SF3A3: variants seen among roughly 807,000 people sequenced by gnomAD.
SF3A3 encodes SAP 61.
Under a neutral mutation model 85.8 loss-of-function variants are expected in SF3A3, and 9 were observed. The observed-to-expected ratio is 0.10, with a 90% CI of 0.06 to 0.18. SF3A3 has a LOEUF of 0.18. Ranked by LOEUF, SF3A3 falls within the 10% of genes least tolerant of loss-of-function variation. SF3A3 has a pLI of 1.00. For synonymous variants in SF3A3, 195 were observed against 204.4 expected (o/e 0.95, Z 0.39); for missense variants, 306 against 593.3 (o/e 0.52, Z 5.03).
intron 2 of SF3A3, among the ~76,000 whole-genome samples, chr1:37,988,596 T>G (rs974372619): frequency 3.9e-5 from 6 of 152,278 alleles, no homozygotes; most frequent in South Asian, 2.1e-4. Flanking sequence ...CAGAGTATTT[T>G]GGGGCTGAGG....
At chr1:37,989,368 G>C (rs920947137) in intron 2 of SF3A3, among the ~76,000 whole-genome samples, 180 bp downstream of exon 2, 1 of 152,028 alleles carries the variant, frequency 6.6e-6, no homozygotes, top group African/African-American at 2.4e-5. Flanking sequence ...TCCCCATTCA[G>C]AGAACTGAGG....
intron 12 of SF3A3, among the ~76,000 whole-genome samples, chr1:37,972,795 G>A (rs1184696650): frequency 2.0e-5 from 3 of 152,150 alleles, no homozygotes; most frequent in African/African-American, 7.2e-5. Context: ...TTTAATAAAT[G>A]GTGCTGGGAA....
intron 12 of SF3A3, among the ~76,000 whole-genome samples, chr1:37,973,915 G>A (rs946272450): frequency 6.6e-6 from 1 of 152,196 alleles, no homozygotes; most frequent in African/African-American, 2.4e-5. Context: ...AAAAGGATGA[G>A]TTCGTGTCCT....
Position 37,978,766 on chromosome 1 carries a change from C to G in SF3A3, c.889G>C (p.Asp297His), listed in dbSNP as rs1252635692. The G allele has an allele frequency of 6.4e-7, 1 of 1,570,564 alleles. No homozygotes were observed. The highest frequency in any genetic ancestry group is 2.3e-5 in the East Asian group (1 of 42,952). Reference sequence around the variant, plus strand: ...GGATTTTTGGCAAACAAAGAGGTATCAAGTGACTCCAGGGACTTTCCTTTG... The same window carrying G: ...GGATTTTTGGCAAACAAAGAGGTATGAAGTGACTCCAGGGACTTTCCTTTG... ...STKGKSLESL[D>H]TSLFAKNPKS... Residue 297 changes from aspartate (D) to histidine (H), a missense_variant, in exon 11 of 17, where the codon GAT becomes CAT. This residue lies in a region of SF3A3 where 136 missense variants were observed against 296.6 expected (regional missense o/e 0.46). Transcript: ENST00000373019.
chr1:37,982,997 G>A (rs191920465), intron 6 of SF3A3, among the ~76,000 whole-genome samples: 1 of 151,772 alleles, frequency 6.6e-6, no homozygotes, highest in East Asian at 2.0e-4. Context: ...TGCAATGAAT[G>A]ACACAATCTC....
intron 14 of SF3A3, among the ~76,000 whole-genome samples, chr1:37,968,929 A>G (rs1458826780): frequency 6.6e-6 from 1 of 152,214 alleles, no homozygotes; most frequent in Non-Finnish European, 1.5e-5. Flanking sequence ...GGCTTGATAA[A>G]TATCAGCCCC....
chr1:37,974,355 T>G (rs1231981531), intron 12 of SF3A3, among the ~76,000 whole-genome samples: 1 of 143,014 alleles, frequency 7.0e-6, no homozygotes, highest in Admixed American at 7.5e-5. Context: ...CAAGCTGGAG[T>G]GCAGTGGCGC....
At chr1:37,987,150 C>A (rs1646463207) in intron 4 of SF3A3, among the ~76,000 whole-genome samples, 1 of 152,162 alleles carries the variant, frequency 6.6e-6, no homozygotes, top group African/African-American at 2.4e-5. Flanking sequence ...GCAATCTCGG[C>A]TCACTGCAAC....
chr1:37,965,990 C>T (rs1220483081), intron 15 of SF3A3, among the ~76,000 whole-genome samples: 1 of 152,020 alleles, frequency 6.6e-6, no homozygotes, highest in Non-Finnish European at 1.5e-5. Flanking sequence ...CACCTGAGAT[C>T]AGGAGTTTGA....
At chr1:37,980,841 C>CTTTTTTTTTTTTT (rs760972269) in intron 7 of SF3A3, 117 bp from the exon 8 acceptor site, 1 of 92,320 alleles carries the variant, frequency 1.1e-5, no homozygotes. Flanking sequence ...TTTTAATACT[C>CTTTTTTTTTTTTT]TTTTTTTTTT....
intron 1 of SF3A3, 136 bp downstream of exon 1, chr1:37,989,734 G>A (rs1358855778): frequency 5.6e-6 from 7 of 1,243,072 alleles, no homozygotes; most frequent in African/African-American, 1.5e-5. Flanking sequence ...CCGGGAGGAG[G>A]TTACCAAGAC....
intron 11 of SF3A3, among the ~76,000 whole-genome samples, chr1:37,977,168 C>A (rs1646384654): frequency 6.6e-6 from 1 of 152,166 alleles, no homozygotes; most frequent in South Asian, 2.1e-4. Context: ...TATGACCTCA[C>A]TTAGAAGATG....
At chr1:37,965,302 C>CAA (rs55747818) in intron 15 of SF3A3, among the ~76,000 whole-genome samples, 54,242 of 100,098 alleles carry the variant, frequency 0.54, 16,036 homozygotes, top group Non-Finnish European at 0.6. Context: ...CCCATCGGCA[C>CAA]AAAAAAAAAA....
At chr1:37,966,380 C>CT (rs1432935564) in intron 15 of SF3A3, among the ~76,000 whole-genome samples, 1 of 152,150 alleles carries the variant, frequency 6.6e-6, no homozygotes, top group Admixed American at 6.5e-5. Context: ...CTCCGCTTCA[C>CT]TTTCTTCAAG....
At chr1:37,977,291 A>G (rs1377562765) in intron 11 of SF3A3, among the ~76,000 whole-genome samples, 2 of 152,246 alleles carry the variant, frequency 1.3e-5, no homozygotes, top group Non-Finnish European at 2.9e-5. Context: ...TGACTCTGCT[A>G]CTTAGAACTA....
At chr1:37,967,515 TA>T (rs1406988285) in intron 15 of SF3A3, among the ~76,000 whole-genome samples, 1 of 150,766 alleles carries the variant, frequency 6.6e-6, no homozygotes, top group African/African-American at 2.4e-5. Context: ...CTGTCTCTAC[TA>T]AAAACACAAA....
intron 4 of SF3A3, among the ~76,000 whole-genome samples, chr1:37,986,138 AG>A (rs1570471150): frequency 6.6e-6 from 1 of 151,648 alleles, no homozygotes; most frequent in African/African-American, 2.4e-5. Flanking sequence ...TAGTAGAGAG[AG>A]GTTTCACCAT....
intron 8 of SF3A3, 149 bp downstream of exon 8, chr1:37,980,437 A>C (rs901272260): frequency 7.3e-6 from 6 of 821,130 alleles, no homozygotes; most frequent in South Asian, 4.6e-5. Flanking sequence ...AAAAAAAAAA[A>C]CATAGCATAC....
intron 2 of SF3A3, 32 bp from the exon 3 acceptor site, chr1:37,987,868 T>C (rs776330502): frequency 6.3e-7 from 1 of 1,578,106 alleles, no homozygotes; most frequent in Non-Finnish European, 8.7e-7. Context: ...ATCAGAATGA[T>C]GCAATTTGCA....
Sources: allele counts gnomAD v4.1 joint callset (sites outside exome capture counted in the v4.1 genomes callset), GRCh38; gene constraint gnomAD v4.1.1; regional missense constraint gnomAD v4.1.1; transcripts MANE v1.5; gene names NCBI Gene and HGNC (gene_info 2026-07-23, HGNC 2026-07-21).